The following KHDRBS2 variants were observed in gnomAD, a reference collection of about 807,000 sequenced individuals.
KHDRBS2 encodes the protein KH RNA binding domain containing, signal transduction associated 2, also known as KH domain-containing, RNA-binding, signal transduction-associated protein 2.
In KHDRBS2, 26 loss-of-function variants were observed where a neutral mutation model predicts 44.3. That is an observed-to-expected ratio of 0.59 (90% CI 0.43 to 0.81). KHDRBS2 has a LOEUF of 0.81. Ranked by LOEUF, KHDRBS2 falls within the 40% of genes least tolerant of loss-of-function variation. The probability of loss-of-function intolerance (pLI) is 0.00; values close to 1 mark genes in which losing one functional copy is unlikely to be tolerated. For synonymous variants in KHDRBS2, 194 were observed against 151.1 expected, an observed-to-expected ratio of 1.28 and a Z score of -2.08; for missense variants, 476 against 433.1, an observed-to-expected ratio of 1.10 and a Z score of -0.88.
At chr6:62,044,867 G>T (rs776013058) in intron 3 of KHDRBS2, among the ~76,000 whole-genome samples, 1 of 152,076 alleles carries the variant, frequency 6.6e-6, no homozygotes, top group Non-Finnish European at 1.5e-5. Context: ...CCTAAGTTTG[G>T]TCAAGGAGAG....
At chr6:62,275,232 C>T (rs1236346571) in intron 1 of KHDRBS2, among the ~76,000 whole-genome samples, 1 of 152,042 alleles carries the variant, frequency 6.6e-6, no homozygotes, top group Non-Finnish European at 1.5e-5. Flanking sequence ...AATACATAAC[C>T]ATTTATCATA....
At chr6:61,693,749 C>A (rs1767612633) in intron 8 of KHDRBS2, among the ~76,000 whole-genome samples, 1 of 152,098 alleles carries the variant, frequency 6.6e-6, no homozygotes, top group South Asian at 2.1e-4. Context: ...GCAGTTAGTT[C>A]TCCTAAAGTA....
intron 8 of KHDRBS2, among the ~76,000 whole-genome samples, chr6:61,687,185 G>A (rs1334623641): frequency 2.0e-5 from 3 of 151,664 alleles, no homozygotes; most frequent in South Asian, 2.1e-4. Flanking sequence ...AGATGAACAT[G>A]GTGCATTATG....
At chr6:62,243,202 CTATG>C (rs548116692) in intron 1 of KHDRBS2, among the ~76,000 whole-genome samples, 3 of 151,754 alleles carry the variant, frequency 2.0e-5, no homozygotes, top group African/African-American at 4.8e-5. Context: ...TATATCATAT[CTATG>C]TATGTATGTA....
chr6:61,900,227 A>C (rs1269488593), intron 5 of KHDRBS2, among the ~76,000 whole-genome samples: 1 of 151,972 alleles, frequency 6.6e-6, no homozygotes, highest in Non-Finnish European at 1.5e-5. Flanking sequence ...GGTGAGAAAC[A>C]TTTTGAGATA....
intron 6 of KHDRBS2, among the ~76,000 whole-genome samples, chr6:61,893,499 C>G (rs12664163): frequency 0.41 from 61,757 of 151,950 alleles, 12,761 homozygotes; most frequent in Admixed American, 0.49. Context: ...GGAACCAACC[C>G]AAATGTCCAA....
the KHDRBS2 span, among the ~76,000 whole-genome samples, chr6:61,572,643 CAG>C: frequency 2.6e-5 from 4 of 152,114 alleles, no homozygotes; most frequent in Admixed American, 2.0e-4. Flanking sequence ...AGTTTCATAA[CAG>C]GGATGCAGCG....
At chr6:61,948,833 C>A (rs1226055348) in intron 4 of KHDRBS2, among the ~76,000 whole-genome samples, 1 of 151,806 alleles carries the variant, frequency 6.6e-6, no homozygotes, top group Non-Finnish European at 1.5e-5. Flanking sequence ...TATTCCAAAC[C>A]CTTACAAATC....
At chr6:62,207,172 A>T (rs1828130581) in intron 1 of KHDRBS2, among the ~76,000 whole-genome samples, 1 of 152,158 alleles carries the variant, frequency 6.6e-6, no homozygotes, top group Admixed American at 6.6e-5. Context: ...ATTATAAAAC[A>T]GAATCATGTC....
At chr6:61,857,744 G>A (rs1796347757) in intron 6 of KHDRBS2, among the ~76,000 whole-genome samples, 1 of 151,912 alleles carries the variant, frequency 6.6e-6, no homozygotes, top group African/African-American at 2.4e-5. Context: ...GCAGGGCAAT[G>A]CCGATGGGAC....
chr6:61,942,151 G>A (rs965351183), intron 4 of KHDRBS2, among the ~76,000 whole-genome samples: 4 of 151,960 alleles, frequency 2.6e-5, no homozygotes, highest in African/African-American at 9.7e-5. Context: ...TAGAGACAGA[G>A]TCTTGGTATG....
the KHDRBS2 span, among the ~76,000 whole-genome samples, chr6:61,581,982 T>A: frequency 6.6e-6 from 1 of 151,980 alleles, no homozygotes; most frequent in African/African-American, 2.4e-5. Flanking sequence ...AAAATGTTTC[T>A]AAACTTAGAG....
chr6:62,011,897 A>G (rs10944933), intron 3 of KHDRBS2, among the ~76,000 whole-genome samples: 3,641 of 152,318 alleles, frequency 0.024, 147 homozygotes, highest in African/African-American at 0.084. Context: ...TAAAGGTGTT[A>G]AAACTGTTTT....
At chr6:62,008,180 C>A (rs1280460513) in intron 3 of KHDRBS2, among the ~76,000 whole-genome samples, 1 of 152,030 alleles carries the variant, frequency 6.6e-6, no homozygotes, top group Non-Finnish European at 1.5e-5. Flanking sequence ...GTCAGTTAAG[C>A]AAATAAAATG....
At chr6:62,100,079 G>A (rs35176627) in intron 2 of KHDRBS2, among the ~76,000 whole-genome samples, 70,400 of 145,748 alleles carry the variant, frequency 0.48, 17,494 homozygotes, top group Non-Finnish European at 0.55. Flanking sequence ...TGTGGGAAAG[G>A]TCAAAATATC....
At chr6:61,785,984 CA>C (rs1783744344) in intron 6 of KHDRBS2, among the ~76,000 whole-genome samples, 2 of 151,866 alleles carry the variant, frequency 1.3e-5, no homozygotes, top group Non-Finnish European at 2.9e-5. Flanking sequence ...TGGCTAATAT[CA>C]AATCAAGACA....
Position 61,680,905 on chromosome 6 carries a change from T to C in KHDRBS2, c.*58A>G. ...CTATTACTTGTCTTGTTGCTGTTTA[T>C]GTGGAGACCACAGGCTATGAATTGT... On this transcript the variant is annotated 3_prime_UTR_variant, in exon 9 of 9. Transcript: ENST00000281156. 9.3e-7 allele frequency: 1 copy of C among 1,075,172 alleles called. No homozygotes were observed. Among genetic ancestry groups the C allele is most frequent in the Non-Finnish European group, 1.4e-6 (1 of 706,002 alleles). 66.6% of individuals were successfully genotyped at this position (1,075,172 alleles called of 1,614,324 possible). A position where few individuals can be genotyped will look rare whatever the true frequency, so the allele number is the denominator to read the frequency against.
At chr6:61,859,758 T>C (rs1796653769) in intron 6 of KHDRBS2, among the ~76,000 whole-genome samples, 2 of 151,994 alleles carry the variant, frequency 1.3e-5, no homozygotes, top group Non-Finnish European at 2.9e-5. Context: ...GTGATATATG[T>C]ATATTTAACA....
chr6:61,964,519 CA>C (rs1371373803), intron 4 of KHDRBS2, among the ~76,000 whole-genome samples: 1 of 152,000 alleles, frequency 6.6e-6, no homozygotes, highest in African/African-American at 2.4e-5. Flanking sequence ...AGTGTATTTA[CA>C]CATCGAATTT....
Sources: gnomAD v4.1 joint callset for allele counts (sites outside exome capture counted in the v4.1 genomes callset) on GRCh38, gnomAD v4.1.1 for gene constraint, MANE v1.5 for transcripts, NCBI Gene and HGNC (gene_info 2026-07-23, HGNC 2026-07-21) for gene names.